EML6: variants seen among roughly 807,000 people sequenced by gnomAD.
The protein encoded by EML6 is EMAP like 6, also known as echinoderm microtubule-associated protein-like 6.
In EML6, 154 loss-of-function variants were observed where a neutral mutation model predicts 240.1. That is an observed-to-expected ratio of 0.64 (90% CI 0.56 to 0.73). EML6 has a LOEUF of 0.73. Among genes scored for constraint, EML6 ranks in the 30% least tolerant of loss-of-function variants. The probability of loss-of-function intolerance (pLI) is 0.00; values close to 1 mark genes in which losing one functional copy is unlikely to be tolerated. For synonymous variants in EML6, 1,148 were observed against 899.0 expected (o/e 1.28, Z -4.95); for missense variants, 2,964 against 2,474.6 (o/e 1.20, Z -4.20).
chr2:54,886,496 C>A (rs1197745115), intron 17 of EML6, among the ~76,000 whole-genome samples: 1 of 152,136 alleles, frequency 6.6e-6, no homozygotes, highest in East Asian at 1.9e-4. Flanking sequence ...TATTCAGCTT[C>A]ATCTTTTACA....
chr2:54,793,833 G>T (rs1467863750), intron 2 of EML6, among the ~76,000 whole-genome samples: 2 of 152,136 alleles, frequency 1.3e-5, no homozygotes, highest in South Asian at 4.1e-4. Context: ...AGCTGTGATG[G>T]CTGGAACTCC....
chr2:54,807,199 A>G (rs899518735), intron 2 of EML6, among the ~76,000 whole-genome samples: 20 of 152,174 alleles, frequency 1.3e-4, no homozygotes, highest in Admixed American at 1.2e-3. Flanking sequence ...ATGAGGAATA[A>G]ATTCTTGATT....
At chr2:54,817,674 C>G (rs978371483) in intron 4 of EML6, among the ~76,000 whole-genome samples, 5 of 152,130 alleles carry the variant, frequency 3.3e-5, no homozygotes, top group African/African-American at 4.8e-5. Flanking sequence ...CTCATAATAT[C>G]TTAAGAACGT....
At chr2:54,917,731 A>G (rs558336177) in intron 26 of EML6, among the ~76,000 whole-genome samples, 1 of 152,322 alleles carries the variant, frequency 6.6e-6, no homozygotes, top group South Asian at 2.1e-4. Flanking sequence ...AACAGCCGTC[A>G]TCTGTAGTAA....
chr2:54,930,996 C>G (rs368146232), intron 28 of EML6, among the ~76,000 whole-genome samples: 1 of 125,766 alleles, frequency 8.0e-6, no homozygotes, highest in African/African-American at 3.1e-5. Context: ...CTCGCTCTGT[C>G]GCCCAGGCTG....
chr2:54,727,773 TATATTC>T (rs1682975258), intron 2 of EML6, among the ~76,000 whole-genome samples: 1 of 152,244 alleles, frequency 6.6e-6, no homozygotes, highest in Non-Finnish European at 1.5e-5. Flanking sequence ...GTTTGAAAGA[TATATTC>T]ATATGCATAC....
chr2:54,744,231 A>T (rs887776492), intron 2 of EML6, among the ~76,000 whole-genome samples: 1 of 152,162 alleles, frequency 6.6e-6, no homozygotes, highest in African/African-American at 2.4e-5. Flanking sequence ...TTATGTTAGC[A>T]GTCTTTTGTG....
Position 54,871,611 on chromosome 2 carries a change from G to A in EML6, c.2344+6G>A. 5 of 1,539,418 alleles carry A rather than the reference G, an allele frequency of 3.2e-6. No homozygotes were observed. Among genetic ancestry groups the A allele is most frequent in the Non-Finnish European group, 4.4e-6 (5 of 1,135,756 alleles). On this transcript the variant is annotated splice_donor_region_variant and intron_variant, in intron 16 of 41. Transcript: ENST00000356458. Reference sequence around the variant, plus strand: ...GTGTGCACTTGATTTTTCAGGTAAGGTCCAGAGTGATTGACACATGGTTCT... The same window carrying A: ...GTGTGCACTTGATTTTTCAGGTAAGATCCAGAGTGATTGACACATGGTTCT...
At position 54,896,372 on chromosome 2, in the gene EML6, A is replaced by T. The variant is rs566019480; in HGVS notation, c.2982+972A>T. Among the ~76,000 whole-genome samples, 11 of 152,278 alleles carry T rather than the reference A, an allele frequency of 7.2e-5. No individual in the cohort carries two copies. In the South Asian group the frequency reaches 2.3e-3, roughly 32 times the overall value. On this transcript the variant is annotated intron_variant, in intron 21 of 41. Coordinates refer to ENST00000356458, the MANE Select transcript of EML6 (RefSeq NM_001039753.4). ...TCTCAGCCTTGGTCCACATAAGCAA[A>T]TTGCATCCTCCTTAGTCCCTGTCTT...
chr2:54,925,164 C>T (rs1353961060), intron 26 of EML6, among the ~76,000 whole-genome samples: 2 of 152,010 alleles, frequency 1.3e-5, no homozygotes, highest in African/African-American at 4.8e-5. Flanking sequence ...AGAAGAGATG[C>T]CAGAGAGCTA....
chr2:54,783,588 A>C (rs1668947216), intron 2 of EML6, among the ~76,000 whole-genome samples: 1 of 152,148 alleles, frequency 6.6e-6, no homozygotes, highest in African/African-American at 2.4e-5. Flanking sequence ...GTGGCAAGGA[A>C]AGAATTGTCC....
At chr2:54,834,224 T>G (rs1283772286) in intron 7 of EML6, among the ~76,000 whole-genome samples, 2 of 152,170 alleles carry the variant, frequency 1.3e-5, no homozygotes, top group Non-Finnish European at 2.9e-5. Context: ...TCAAGCTAAT[T>G]GTAAACTGAA....
rs569285426 is a variant in EML6, at chr2:54,923,508, A to G, written c.3676-4805A>G. On this transcript the variant is annotated intron_variant, in intron 26 of 41. Coordinates refer to ENST00000356458, the MANE Select transcript of EML6 (RefSeq NM_001039753.4). Reference sequence around the variant, plus strand: ...TCTGTTGTACACCTTGAATATATAAAATTTTTGTTAATTATACCTCAGTAA... The same window carrying G: ...TCTGTTGTACACCTTGAATATATAAGATTTTTGTTAATTATACCTCAGTAA... 1.9e-4 allele frequency among the ~76,000 whole-genome samples: 29 copies of G among 152,186 alleles called. No homozygotes were observed. In the East Asian group the frequency reaches 5.4e-3, roughly 28 times the overall value.
In EML6 at chr2:54,869,132, C is replaced by T. The variant is rs372801157; in HGVS notation, c.2052-49C>T. The T allele has an allele frequency of 1.4e-4, 177 of 1,292,638 alleles. 1 individual carries two copies. In the East Asian group the frequency reaches 3.4e-3, roughly 25 times the overall value. 80.1% of individuals were successfully genotyped at this position (1,292,638 alleles called of 1,614,324 possible). On this transcript the variant is annotated intron_variant, in intron 14 of 41. Coordinates refer to ENST00000356458, the MANE Select transcript of EML6 (RefSeq NM_001039753.4). ...TGCCTCTGACACCTCCTGCTCCATG[C>T]ATTTGCTGTTTGTTCAACCACTATG... is the stretch of plus-strand genomic sequence containing the variant.
chr2:54,935,882 T>C (rs80342462), intron 28 of EML6, among the ~76,000 whole-genome samples: 12,097 of 151,972 alleles, frequency 0.08, 739 homozygotes, highest in East Asian at 0.22. Flanking sequence ...TTTAAAAAAT[T>C]AGCTGGGAAT....
chr2:54,779,369 T>C (rs911031348), intron 2 of EML6, among the ~76,000 whole-genome samples: 1 of 150,542 alleles, frequency 6.6e-6, no homozygotes, highest in African/African-American at 2.5e-5. Context: ...TGAAACCCTG[T>C]CTCTACTAAA....
At chr2:54,872,288 G>A (rs1671295565) in intron 16 of EML6, among the ~76,000 whole-genome samples, 1 of 152,118 alleles carries the variant, frequency 6.6e-6, no homozygotes, top group Non-Finnish European at 1.5e-5. Flanking sequence ...TGCAACTGTA[G>A]AAATTAGATC....
intron 7 of EML6, among the ~76,000 whole-genome samples, chr2:54,833,408 C>T (rs775063359): frequency 6.6e-6 from 1 of 152,190 alleles, no homozygotes; most frequent in Non-Finnish European, 1.5e-5. Flanking sequence ...AAGATGGATA[C>T]TAAGCTCAGA....
intron 4 of EML6, among the ~76,000 whole-genome samples, chr2:54,817,491 ATGAC>A (rs1668131791): frequency 6.6e-6 from 1 of 152,184 alleles, no homozygotes; most frequent in Non-Finnish European, 1.5e-5. Context: ...ATGAATTTGC[ATGAC>A]TGTCTTACTT....
Sources: gnomAD v4.1 joint callset for allele counts (sites outside exome capture counted in the v4.1 genomes callset) on GRCh38, gnomAD v4.1.1 for gene constraint, MANE v1.5 for transcripts, NCBI Gene and HGNC (gene_info 2026-07-23, HGNC 2026-07-21) for gene names.